RIC1: variants seen among roughly 807,000 people sequenced by gnomAD.
The protein encoded by RIC1 is guanine nucleotide exchange factor subunit RIC1.
Under a neutral mutation model 169.0 loss-of-function variants are expected in RIC1, and 88 were observed. The ratio of observed to expected loss-of-function variants is 0.52; its 90% CI spans 0.44 to 0.62. The LOEUF (loss-of-function observed/expected upper bound fraction) is 0.62. Among genes scored for constraint, RIC1 ranks in the 20% least tolerant of loss-of-function variants. The pLI, the probability that RIC1 is intolerant of heterozygous loss-of-function variation, is 0.00. For synonymous variants in RIC1, 790 were observed against 601.5 expected, an observed-to-expected ratio of 1.31 and a Z score of -4.59; for missense variants, 1,877 against 1,725.5, an observed-to-expected ratio of 1.09 and a Z score of -1.56.
At chr9:5,681,480 T>C (rs1024861738) in intron 2 of RIC1, among the ~76,000 whole-genome samples, 2 of 152,250 alleles carry the variant, frequency 1.3e-5, no homozygotes, top group Admixed American at 6.5e-5. Context: ...TCCTGAGTTC[T>C]AGTTTGATTG....
chr9:5,648,307 C>T (rs1016467315), intron 1 of RIC1, among the ~76,000 whole-genome samples: 1 of 151,826 alleles, frequency 6.6e-6, no homozygotes, highest in Non-Finnish European at 1.5e-5. Context: ...TTATATATGG[C>T]CTTTTTATTA....
intron 2 of RIC1, among the ~76,000 whole-genome samples, chr9:5,668,808 C>A (rs959511698): frequency 6.6e-6 from 1 of 151,864 alleles, no homozygotes; most frequent in African/African-American, 2.4e-5. Context: ...TAGTTTTTTG[C>A]CCATGGTCTC....
intron 2 of RIC1, among the ~76,000 whole-genome samples, chr9:5,659,750 T>C (rs1342580349): frequency 1.3e-5 from 2 of 152,176 alleles, no homozygotes; most frequent in Non-Finnish European, 2.9e-5. Flanking sequence ...TATTTTTAAG[T>C]TTTAAATTTC....
chr9:5,753,132 A>G (rs1211268242), intron 12 of RIC1, 68 bp from the exon 13 acceptor site: 21 of 1,361,640 alleles, frequency 1.5e-5, no homozygotes, highest in Middle Eastern at 1.8e-4. Flanking sequence ...TCATAGTGTG[A>G]TAACTTAATG....
intron 1 of RIC1, among the ~76,000 whole-genome samples, chr9:5,635,146 C>A (rs1195221170): frequency 2.6e-5 from 4 of 152,032 alleles, no homozygotes; most frequent in Non-Finnish European, 5.9e-5. Flanking sequence ...TGCCACCATG[C>A]CTAGTTAATT....
chr9:5,681,019 G>C (rs949769424), intron 2 of RIC1, among the ~76,000 whole-genome samples: 20 of 150,614 alleles, frequency 1.3e-4, no homozygotes, highest in South Asian at 4.2e-4. Flanking sequence ...GTAGAGACGG[G>C]GTTTCACCTT....
chr9:5,748,537 A>G (rs1026255319), intron 12 of RIC1: 3 of 152,674 alleles, frequency 2.0e-5, no homozygotes, highest in Non-Finnish European at 2.9e-5. Context: ...AAACTGCACT[A>G]GCTACTTCCT....
chr9:5,660,099 T>G (rs1442534284), intron 2 of RIC1, among the ~76,000 whole-genome samples: 1 of 152,058 alleles, frequency 6.6e-6, no homozygotes, highest in Non-Finnish European at 1.5e-5. Context: ...AGTGAAAACA[T>G]GTGGTATTTG....
intron 12 of RIC1, among the ~76,000 whole-genome samples, chr9:5,749,849 G>C (rs1181024667): frequency 7.8e-6 from 1 of 127,608 alleles, no homozygotes; most frequent in African/African-American, 3.0e-5. Context: ...CGTGATCTCA[G>C]CTCACTGCAA....
At chr9:5,639,236 G>C (rs1426181846) in intron 1 of RIC1, among the ~76,000 whole-genome samples, 1 of 152,054 alleles carries the variant, frequency 6.6e-6, no homozygotes, top group Non-Finnish European at 1.5e-5. Flanking sequence ...AATACTTATA[G>C]CTATAAATTT....
intron 8 of RIC1, among the ~76,000 whole-genome samples, chr9:5,738,965 C>T (rs900212317): frequency 6.6e-6 from 1 of 152,106 alleles, no homozygotes; most frequent in African/African-American, 2.4e-5. Context: ...ACCTCCGGAT[C>T]CAGTTATTCC....
chr9:5,693,421 T>A lies in RIC1; in HGVS notation c.332+3383T>A, dbSNP rs1233259868. Reference sequence around the variant, plus strand: ...TGTTTCTAGCATCCTTCTATAGATGTTGGGAGTCAGTCTATAACAATGGTG... The same window carrying A: ...TGTTTCTAGCATCCTTCTATAGATGATGGGAGTCAGTCTATAACAATGGTG... On this transcript the variant is annotated intron_variant, in intron 3 of 25. Coordinates refer to ENST00000414202, the MANE Select transcript of RIC1 (RefSeq NM_020829.4). 2.6e-5 allele frequency among the ~76,000 whole-genome samples: 4 copies of A among 152,144 alleles called. No homozygotes were observed. In the East Asian group the frequency reaches 5.8e-4, roughly 22 times the overall value.
chr9:5,629,391 G>A lies in RIC1; in HGVS notation c.82G>A (p.Asp28Asn). The A allele has an allele frequency of 6.5e-7, 1 of 1,533,174 alleles. No homozygotes were observed. Among genetic ancestry groups the A allele is most frequent in the South Asian group, 1.2e-5 (1 of 83,652 alleles). The allele number at this position is 1,533,174 out of a possible 1,614,324, so 95.0% of individuals were successfully genotyped here. A position where few individuals can be genotyped will look rare whatever the true frequency, so the allele number is the denominator to read the frequency against. ...CGAGGCGCCTTTCCACGTTCAGTCC[G>A]ACCCGCAGAGGGCTTTCTTCGCCGT... ...PAEAPFHVQSDPQRAFFAVLA... is the reference protein window; with the variant it reads ...PAEAPFHVQSNPQRAFFAVLA... The change falls in exon 1 of 26, where the codon GAC (aspartate) becomes AAC (asparagine). Residue 28 changes from aspartate to asparagine, a missense_variant. Physicochemically the swap from Asp to Asn is conservative, Grantham distance 23 (BLOSUM62 1). Transcript: ENST00000414202.
chr9:5,755,087 A>G (rs1019409606), intron 15 of RIC1, among the ~76,000 whole-genome samples, 157 bp downstream of exon 15: 16 of 152,192 alleles, frequency 1.1e-4, no homozygotes, highest in Non-Finnish European at 1.9e-4. Context: ...TTTTCTTTTC[A>G]GGTTATTACT....
chr9:5,759,244 C>T (rs1826192495), intron 17 of RIC1, among the ~76,000 whole-genome samples: 1 of 152,166 alleles, frequency 6.6e-6, no homozygotes, highest in Non-Finnish European at 1.5e-5. Context: ...TCAGTCTTAT[C>T]ACTAAAAATG....
chr9:5,652,685 C>A (rs201998325), intron 1 of RIC1, among the ~76,000 whole-genome samples: 1 of 77,390 alleles, frequency 1.3e-5, no homozygotes, highest in African/African-American at 3.1e-5. Flanking sequence ...AATTTGGATA[C>A]TTTTTATTCT....
At position 5,747,591 on chromosome 9, in the gene RIC1, C is replaced by A. The variant is rs1045739681; in HGVS notation, c.1452+86C>A. On this transcript the variant is annotated intron_variant, in intron 12 of 25. Transcript: ENST00000414202. Reference sequence around the variant, plus strand: ...GATTATTAAATATTTCATCTGTTAACTTCAGGCAACTGAGAATCCTTTTAA... The same window carrying A: ...GATTATTAAATATTTCATCTGTTAAATTCAGGCAACTGAGAATCCTTTTAA... 13 of 1,173,916 alleles carry A rather than the reference C, an allele frequency of 1.1e-5. No individual in the cohort carries two copies. In the South Asian group the frequency reaches 1.5e-4, roughly 13 times the overall value. The allele number at this position is 1,173,916 out of a possible 1,614,324, so 72.7% of individuals were successfully genotyped here. A position where few individuals can be genotyped will look rare whatever the true frequency, so the allele number is the denominator to read the frequency against.
intron 1 of RIC1, among the ~76,000 whole-genome samples, chr9:5,645,297 C>A (rs1018768290): frequency 6.6e-6 from 1 of 152,080 alleles, no homozygotes; most frequent in Non-Finnish European, 1.5e-5. Context: ...GGCTATCCTC[C>A]GAAAGTGTTG....
intron 18 of RIC1, among the ~76,000 whole-genome samples, 189 bp downstream of exon 18, chr9:5,762,849 A>G (rs1826431216): frequency 6.6e-6 from 1 of 152,236 alleles, no homozygotes; most frequent in Non-Finnish European, 1.5e-5. Context: ...TGATCATGAA[A>G]TGTTCCATAC....
Sources: allele counts gnomAD v4.1 joint callset (sites outside exome capture counted in the v4.1 genomes callset), GRCh38; gene constraint gnomAD v4.1.1; transcripts MANE v1.5; gene names NCBI Gene and HGNC (gene_info 2026-07-23, HGNC 2026-07-21).